Variants in ARB2A observed in about 807,000 individuals in gnomAD.
The protein encoded by ARB2A is ARB2 cotranscriptional regulator A.
At chr5:93,669,132 T>A in the ARB2A span, among the ~76,000 whole-genome samples, 1 of 152,186 alleles carries the variant, frequency 6.6e-6, no homozygotes, top group African/African-American at 2.4e-5. Flanking sequence ...CCTTCCTAAT[T>A]CTAGTTGTTC....
At chr5:93,766,645 TC>T in the ARB2A span, among the ~76,000 whole-genome samples, 2 of 152,136 alleles carry the variant, frequency 1.3e-5, no homozygotes, top group Admixed American at 6.5e-5. Context: ...TCCTCAGGGA[TC>T]TAGAACTAGA....
chr5:93,866,026 C>A, the ARB2A span: 1 of 984,468 alleles, frequency 1.0e-6, no homozygotes, highest in South Asian at 4.7e-5. Flanking sequence ...AGAGAAAAAA[C>A]GTTGCTAAAT....
At chr5:93,786,351 G>A in the ARB2A span, among the ~76,000 whole-genome samples, 1 of 152,206 alleles carries the variant, frequency 6.6e-6, no homozygotes, top group Non-Finnish European at 1.5e-5. Context: ...GAAAATATCT[G>A]TAGTCTGTCT....
chr5:94,037,577 C>G, the ARB2A span, among the ~76,000 whole-genome samples: 1 of 152,086 alleles, frequency 6.6e-6, no homozygotes, highest in African/African-American at 2.4e-5. Flanking sequence ...TTATTCTTCA[C>G]AACAGAATAA....
chr5:94,050,630 C>A, the ARB2A span: 5 of 797,954 alleles, frequency 6.3e-6, no homozygotes, highest in East Asian at 2.8e-5. Flanking sequence ...TTTGGAATCA[C>A]ATTTTGTAGA....
the ARB2A span, among the ~76,000 whole-genome samples, chr5:93,776,932 A>C: frequency 6.6e-6 from 1 of 152,158 alleles, no homozygotes; most frequent in Non-Finnish European, 1.5e-5. Flanking sequence ...TTTCAGATTA[A>C]AATAAATATT....
chr5:93,715,924 C>CT, the ARB2A span, among the ~76,000 whole-genome samples: 3 of 152,164 alleles, frequency 2.0e-5, no homozygotes, highest in African/African-American at 7.2e-5. Flanking sequence ...TTTAGACAGA[C>CT]TGTCAGTTTT....
At chr5:93,916,733 C>G in the ARB2A span, among the ~76,000 whole-genome samples, 2 of 152,050 alleles carry the variant, frequency 1.3e-5, no homozygotes, top group Non-Finnish European at 2.9e-5. Context: ...TAACAGCAAA[C>G]TAGAGGAAAC....
the ARB2A span, among the ~76,000 whole-genome samples, chr5:94,000,723 A>C: frequency 6.6e-6 from 1 of 152,110 alleles, no homozygotes; most frequent in Non-Finnish European, 1.5e-5. Flanking sequence ...AAAAGTCATT[A>C]ACATACCCAA....
the ARB2A span, among the ~76,000 whole-genome samples, chr5:93,983,180 TGTGTGTGTGTG>T: frequency 1.7e-4 from 1 of 6,034 alleles, no homozygotes; most frequent in Non-Finnish European, 6.7e-4. Flanking sequence ...GGTGTGTGTG[TGTGTGTGTGTG>T]TGTGTGTGTG....
At chr5:93,740,388 C>A in the ARB2A span, 6 of 575,516 alleles carry the variant, frequency 1.0e-5, no homozygotes, top group South Asian at 3.3e-5. Context: ...CTGCAATAAA[C>A]TTCATCTTCT....
chr5:93,766,940 C>CA, the ARB2A span, among the ~76,000 whole-genome samples: 6 of 146,148 alleles, frequency 4.1e-5, no homozygotes, highest in Admixed American at 4.3e-4. Context: ...CTCGCAAGGA[C>CA]AAAAAACCAA....
At chr5:93,909,789 A>C in the ARB2A span, among the ~76,000 whole-genome samples, 1 of 150,958 alleles carries the variant, frequency 6.6e-6, no homozygotes, top group Non-Finnish European at 1.5e-5. Context: ...GAACAAAACC[A>C]ATGTAATTCT....
chr5:93,779,182 A>G, the ARB2A span, among the ~76,000 whole-genome samples: 1 of 152,052 alleles, frequency 6.6e-6, no homozygotes, highest in African/African-American at 2.4e-5. Context: ...AAGTATATAG[A>G]AAAAAGGGCA....
chr5:93,878,605 A>T, the ARB2A span, among the ~76,000 whole-genome samples: 20 of 152,130 alleles, frequency 1.3e-4, no homozygotes, highest in Admixed American at 1.2e-3. Flanking sequence ...AGTATTAGTC[A>T]TACTATTTGT....
the ARB2A span, among the ~76,000 whole-genome samples, chr5:93,926,041 A>C: frequency 6.6e-6 from 1 of 152,204 alleles, no homozygotes; most frequent in South Asian, 2.1e-4. Context: ...TACATTGAAG[A>C]TATCATCCAT....
chr5:94,091,803 T>C, the ARB2A span, among the ~76,000 whole-genome samples: 1 of 152,200 alleles, frequency 6.6e-6, no homozygotes, highest in African/African-American at 2.4e-5. Context: ...GTCTACTCTA[T>C]GTAACATTAT....
the ARB2A span, among the ~76,000 whole-genome samples, chr5:93,901,039 T>C: frequency 1.1e-4 from 16 of 152,272 alleles, no homozygotes; most frequent in South Asian, 3.1e-3. Flanking sequence ...ATAGCTTTAG[T>C]AGGTCTGGTT....
At chr5:94,038,777 A>C in the ARB2A span, among the ~76,000 whole-genome samples, 44 of 152,142 alleles carry the variant, frequency 2.9e-4, no homozygotes, top group Non-Finnish European at 4.4e-5. Flanking sequence ...CGCTCAGCTA[A>C]AGACAAAACT....
Sources: allele counts gnomAD v4.1 joint callset (sites outside exome capture counted in the v4.1 genomes callset), GRCh38; gene constraint gnomAD v4.1.1; transcripts MANE v1.5; gene names NCBI Gene and HGNC (gene_info 2026-07-23, HGNC 2026-07-21).